The following PPARGC1A variants were observed in gnomAD, a reference collection of about 807,000 sequenced individuals.
PPARGC1A encodes the protein PPARG coactivator 1 alpha, also known as peroxisome proliferator-activated receptor gamma coactivator 1-alpha.
Under a neutral mutation model 88.7 loss-of-function variants are expected in PPARGC1A, and 25 were observed. The ratio of observed to expected loss-of-function variants is 0.28; its 90% CI spans 0.21 to 0.39. PPARGC1A has a LOEUF of 0.39. PPARGC1A is among the 10% of genes least tolerant of loss of function. The probability of loss-of-function intolerance (pLI) is 1.00; values close to 1 mark genes in which losing one functional copy is unlikely to be tolerated. For synonymous variants in PPARGC1A, 363 were observed against 355.6 expected, an observed-to-expected ratio of 1.02 and a Z score of -0.24; for missense variants, 880 against 968.7, an observed-to-expected ratio of 0.91 and a Z score of 1.22.
the PPARGC1A span, among the ~76,000 whole-genome samples, chr4:24,312,392 A>AT: frequency 8.7e-5 from 13 of 149,778 alleles, no homozygotes; most frequent in Non-Finnish European, 1.3e-4. Flanking sequence ...ATTTTTTCCT[A>AT]TTTTTTTTTT....
the PPARGC1A span, among the ~76,000 whole-genome samples, chr4:24,194,660 A>C: frequency 5.0e-3 from 137 of 27,156 alleles, no homozygotes; most frequent in Middle Eastern, 0.038. Flanking sequence ...ACACACACAC[A>C]CACACACACC....
the PPARGC1A span, among the ~76,000 whole-genome samples, chr4:24,128,279 T>C: frequency 6.6e-6 from 1 of 152,180 alleles, no homozygotes; most frequent in Non-Finnish European, 1.5e-5. Context: ...TTCTTTAAAA[T>C]GGAGACATTA....
chr4:23,923,842 C>T, the PPARGC1A span, among the ~76,000 whole-genome samples: 2 of 152,174 alleles, frequency 1.3e-5, no homozygotes, highest in Admixed American at 1.3e-4. Flanking sequence ...TCCCTCCACC[C>T]TCAATACCTT....
chr4:24,431,747 C>T, the PPARGC1A span, among the ~76,000 whole-genome samples: 1 of 152,160 alleles, frequency 6.6e-6, no homozygotes, highest in Admixed American at 6.5e-5. Context: ...AAATATGCCG[C>T]TGAATCTCCA....
chr4:24,226,504 T>G, the PPARGC1A span, among the ~76,000 whole-genome samples: 3 of 152,234 alleles, frequency 2.0e-5, no homozygotes, highest in African/African-American at 7.2e-5. Flanking sequence ...CTGTCTGCTC[T>G]TGCCTGCAGT....
chr4:24,185,380 G>A, the PPARGC1A span, among the ~76,000 whole-genome samples: 1 of 152,126 alleles, frequency 6.6e-6, no homozygotes, highest in East Asian at 1.9e-4. Flanking sequence ...TATTTACAAA[G>A]CAAACCTTGG....
chr4:24,213,912 C>A, the PPARGC1A span, among the ~76,000 whole-genome samples: 1 of 152,186 alleles, frequency 6.6e-6, no homozygotes, highest in Non-Finnish European at 1.5e-5. Flanking sequence ...CACTGATGAA[C>A]AGTTTAAAAA....
At chr4:23,989,618 T>C in the PPARGC1A span, among the ~76,000 whole-genome samples, 1 of 152,044 alleles carries the variant, frequency 6.6e-6, no homozygotes, top group African/African-American at 2.4e-5. Flanking sequence ...AACATTGCTT[T>C]TACTTTTCAT....
chr4:23,923,544 C>T, the PPARGC1A span, among the ~76,000 whole-genome samples: 470 of 151,902 alleles, frequency 3.1e-3, 2 homozygotes, highest in African/African-American at 0.011. Context: ...AGAAACTACT[C>T]AGTCAACAAA....
At chr4:24,374,833 A>G in the PPARGC1A span, among the ~76,000 whole-genome samples, 1 of 152,268 alleles carries the variant, frequency 6.6e-6, no homozygotes, top group East Asian at 1.9e-4. Context: ...GAATTGCCAG[A>G]CTATTTGGAA....
chr4:24,354,378 T>C, the PPARGC1A span, among the ~76,000 whole-genome samples: 1 of 152,142 alleles, frequency 6.6e-6, no homozygotes, highest in African/African-American at 2.4e-5. Context: ...ATTTAGGAAG[T>C]AGGGTGTGGG....
the PPARGC1A span, among the ~76,000 whole-genome samples, chr4:24,080,252 A>G: frequency 6.6e-6 from 1 of 152,080 alleles, no homozygotes; most frequent in Non-Finnish European, 1.5e-5. Context: ...TTTCCAGTAC[A>G]GAGTCTATAT....
the PPARGC1A span, among the ~76,000 whole-genome samples, chr4:24,160,365 G>A: frequency 1.3e-5 from 2 of 152,148 alleles, no homozygotes; most frequent in African/African-American, 4.8e-5. Flanking sequence ...TGATTATTAA[G>A]ACCATTAAAA....
At chr4:24,442,249 T>G in the PPARGC1A span, among the ~76,000 whole-genome samples, 1 of 152,202 alleles carries the variant, frequency 6.6e-6, no homozygotes, top group Non-Finnish European at 1.5e-5. Flanking sequence ...AAGTGTATTT[T>G]TATCTTGTAT....
chr4:24,376,969 C>A, the PPARGC1A span, among the ~76,000 whole-genome samples: 2 of 152,064 alleles, frequency 1.3e-5, no homozygotes, highest in South Asian at 2.1e-4. Context: ...ATGGCCTAAC[C>A]TTTTAGCAAT....
the PPARGC1A span, among the ~76,000 whole-genome samples, chr4:24,170,767 C>G: frequency 0.014 from 2,173 of 152,300 alleles, 40 homozygotes; most frequent in African/African-American, 0.049. Context: ...TCCAGCTGAG[C>G]ATTTAACACC....
the PPARGC1A span, among the ~76,000 whole-genome samples, chr4:24,008,266 CT>C: frequency 6.6e-6 from 1 of 152,118 alleles, no homozygotes; most frequent in Non-Finnish European, 1.5e-5. Context: ...TCGCAACCAA[CT>C]TGGGGAAGAT....
the PPARGC1A span, among the ~76,000 whole-genome samples, chr4:23,932,202 A>T: frequency 1.4e-4 from 21 of 152,348 alleles, no homozygotes; most frequent in African/African-American, 5.1e-4. Flanking sequence ...AAAGGTACTG[A>T]TCAATAAAGA....
chr4:24,237,246 T>G, the PPARGC1A span, among the ~76,000 whole-genome samples: 5 of 151,864 alleles, frequency 3.3e-5, no homozygotes, highest in Admixed American at 6.6e-5. Context: ...GATTGGATTT[T>G]TTTTTTTTTA....
Sources: gnomAD v4.1 joint callset for allele counts (sites outside exome capture counted in the v4.1 genomes callset) on GRCh38, gnomAD v4.1.1 for gene constraint, MANE v1.5 for transcripts, NCBI Gene and HGNC (gene_info 2026-07-23, HGNC 2026-07-21) for gene names.